The following ATP1A2 variants were observed in gnomAD, a reference collection of about 807,000 sequenced individuals.
ATP1A2 encodes ATPase Na+/K+ transporting subunit alpha 2.
A neutral mutation model predicts 113.1 loss-of-function variants in ATP1A2; 56 were observed. The observed-to-expected ratio is 0.49, with a 90% CI of 0.40 to 0.62. ATP1A2 has a LOEUF of 0.62. ATP1A2 is among the 20% of genes least tolerant of loss of function. The pLI is 0.00. For synonymous variants in ATP1A2, 490 were observed against 526.8 expected (o/e 0.93, Z 0.96); for missense variants, 712 against 1,357.8 (o/e 0.52, Z 7.47).
In ATP1A2 at chr1:160,121,304, G is replaced by A. The variant is rs1570983390; in HGVS notation, c.177+53G>A. On this transcript the variant is annotated intron_variant, in intron 3 of 22. Coordinates refer to ENST00000361216, the MANE Select transcript of ATP1A2 (RefSeq NM_000702.4). ...ACAAAAGAGGCAAGAAAACCATGCA[G>A]CATCAAGGTGGCAGGAGCCTTAAAA... 4 of 1,593,758 alleles carry A rather than the reference G, an allele frequency of 2.5e-6. No homozygotes were observed. The South Asian group carries it at 3.3e-5, about 13-fold the overall frequency.
At position 160,142,466 on chromosome 1, in the gene ATP1A2, G is replaced by C. The variant is rs1270507133; in HGVS notation, c.*1144G>C. On this transcript the variant is annotated 3_prime_UTR_variant, in exon 23 of 23. Transcript: ENST00000361216. ...ATGTATGCTTCCAGGGACAAGCTTA[G>C]GTCATGAACATGGTCAGAACCTTTG... The C allele has an allele frequency of 1.3e-5, 2 of 152,250 alleles. No individual in the cohort carries two copies. The highest frequency in any genetic ancestry group is 2.9e-5 in the Non-Finnish European group (2 of 68,076). The allele number at this position is 152,250 out of a possible 1,614,324, so 9.4% of individuals were successfully genotyped here. A position where few individuals can be genotyped will look rare whatever the true frequency, so the allele number is the denominator to read the frequency against.
intron 1 of ATP1A2, among the ~76,000 whole-genome samples, chr1:160,116,831 G>A (rs769175075): frequency 6.6e-6 from 1 of 152,144 alleles, no homozygotes; most frequent in Non-Finnish European, 1.5e-5. Context: ...GAGGAGTCAG[G>A]CAAGGACATG....
At chr1:160,140,896 C>G (rs915647566) in intron 22 of ATP1A2, 1 of 128,288 alleles carries the variant, frequency 7.8e-6, no homozygotes, top group Non-Finnish European at 1.5e-5. Context: ...CTCGCTCTGT[C>G]GCCCAACCAG....
Position 160,141,468 on chromosome 1 carries a change from G to A in ATP1A2, c.*146G>A. ...ATGAGGCAACTCAGCAGGCTAAGTTGCGGGGTATATAAATTGGGGTGATGA... is the reference window on the plus strand; with the variant it reads ...ATGAGGCAACTCAGCAGGCTAAGTTACGGGGTATATAAATTGGGGTGATGA... On this transcript the variant is annotated 3_prime_UTR_variant, in exon 23 of 23. Transcript: ENST00000361216. 1 of 1,028,748 alleles carries A rather than the reference G, an allele frequency of 9.7e-7. No individual in the cohort carries two copies. The highest frequency in any genetic ancestry group is 1.5e-6 in the Non-Finnish European group (1 of 666,584). The allele number at this position is 1,028,748 out of a possible 1,614,324, so 63.7% of individuals were successfully genotyped here. A position where few individuals can be genotyped will look rare whatever the true frequency, so the allele number is the denominator to read the frequency against.
At chr1:160,127,905 TC>T in intron 8 of ATP1A2, 85 bp downstream of exon 8, 1 of 1,503,082 alleles carries the variant, frequency 6.7e-7, no homozygotes, top group Non-Finnish European at 8.9e-7. Context: ...GCTTGTAGCT[TC>T]TCACTACTTT....
At position 160,125,179 on chromosome 1, in the gene ATP1A2, G is replaced by A. The variant is rs778741638; in HGVS notation, c.674G>A (p.Arg225His). 1 of 1,614,062 alleles carries A rather than the reference G, an allele frequency of 6.2e-7. No homozygotes were observed. The highest frequency in any genetic ancestry group is 1.3e-5 in the African/African-American group (1 of 74,992). The part of the protein sequence containing the change: ...SLTGESEPQT[R>H]SPEFTHENPL... ...ACAGGAGAGTCGGAGCCCCAGACCC[G>A]CTCCCCCGAGTTCACCCATGAGAAC... is the stretch of plus-strand genomic sequence containing the variant. Residue 225 changes from arginine to histidine, a missense_variant, in exon 7 of 23, where the codon CGC (arginine) becomes CAC (histidine). Arg to His is a conservative substitution (Grantham distance 29). Coordinates refer to ENST00000361216, the MANE Select transcript of ATP1A2 (RefSeq NM_000702.4).
chr1:160,131,654 C>T (rs1313932661), intron 13 of ATP1A2, among the ~76,000 whole-genome samples: 1 of 151,716 alleles, frequency 6.6e-6, no homozygotes, highest in Non-Finnish European at 1.5e-5. Flanking sequence ...GGTGAAACCC[C>T]GTCTCTACTG....
intron 20 of ATP1A2, among the ~76,000 whole-genome samples, chr1:160,138,450 A>C (rs1652024872): frequency 6.6e-6 from 1 of 152,240 alleles, no homozygotes; most frequent in South Asian, 2.1e-4. Context: ...CAAACAATTA[A>C]ATGTGGCCTT....
At chr1:160,127,916 T>C (rs1651633811) in intron 8 of ATP1A2, 96 bp downstream of exon 8, 3 of 1,485,220 alleles carry the variant, frequency 2.0e-6, no homozygotes, top group Middle Eastern at 1.9e-4. Context: ...CTCACTACTT[T>C]TTCCCCCTAG....
At chr1:160,122,024 C>T (rs900672047) in intron 3 of ATP1A2, among the ~76,000 whole-genome samples, 5 of 152,054 alleles carry the variant, frequency 3.3e-5, no homozygotes, top group African/African-American at 1.2e-4. Flanking sequence ...CCCACCTACT[C>T]GAGAGGCTGA....
chr1:160,129,039 T>C lies in ATP1A2; in HGVS notation c.1276T>C (p.Cys426Arg). Residue 426 changes from cysteine (C) to arginine (R), a missense_variant, in exon 10 of 23, where the codon TGC becomes CGC. Cys to Arg is a radical substitution (Grantham distance 180). Around this residue, in one of 6 missense-constraint regions of ATP1A2, gnomAD observed 263 missense variants for 380.6 expected, o/e 0.69. Transcript: ENST00000361216. ...WTALSRIAGLCNRAVFKAGQE... is the reference protein window; with the variant it reads ...WTALSRIAGLRNRAVFKAGQE... Reference sequence around the variant, plus strand: ...GGCCCTGTCTCGAATTGCTGGTCTCTGCAACCGCGCCGTCTTCAAGGCAGG... The same window carrying C: ...GGCCCTGTCTCGAATTGCTGGTCTCCGCAACCGCGCCGTCTTCAAGGCAGG... 6.2e-7 allele frequency: 1 copy of C among 1,612,366 alleles called. No homozygotes were observed. The highest frequency in any genetic ancestry group is 8.5e-7 in the Non-Finnish European group (1 of 1,179,092).
chr1:160,136,299 G>A lies in ATP1A2; in HGVS notation c.2492G>A (p.Arg831Gln). 3 of 1,614,172 alleles carry A rather than the reference G, an allele frequency of 1.9e-6. No homozygotes were observed. Among genetic ancestry groups the A allele is most frequent in the Non-Finnish European group, 2.5e-6 (3 of 1,180,032 alleles). Residue 831 changes from arginine (R) to glutamine (Q), a missense_variant, in exon 18 of 23, where the codon CGG becomes CAG. By Grantham distance (43) the Arg-to-Gln change is conservative. This residue lies in a region of ATP1A2 where 188 missense variants were observed against 438.9 expected (regional missense o/e 0.43). Coordinates refer to ENST00000361216, the MANE Select transcript of ATP1A2 (RefSeq NM_000702.4). ...YEAAESDIMK[R>Q]QPRNSQTDKL... ...GCAGCTGAGAGTGATATCATGAAGC[G>A]GCAGCCACGAAACTCCCAGACGGAC...
At position 160,143,390 on chromosome 1, in the gene ATP1A2, T is replaced by C. The variant is rs1558011935; in HGVS notation, c.*2068T>C. 1 of 152,642 alleles carries C rather than the reference T, an allele frequency of 6.6e-6. No homozygotes were observed. Among genetic ancestry groups the C allele is most frequent in the Non-Finnish European group, 1.5e-5 (1 of 68,036 alleles). 9.5% of individuals were successfully genotyped at this position (152,642 alleles called of 1,614,324 possible). On this transcript the variant is annotated 3_prime_UTR_variant, in exon 23 of 23. Coordinates refer to ENST00000361216, the MANE Select transcript of ATP1A2 (RefSeq NM_000702.4). ...ATTGCTAGAGGTGGCATGTTTAGTC[T>C]ACCAAAAACAATACTTTTCAGGCAC...
At chr1:160,123,528 A>T (rs1184283467) in intron 4 of ATP1A2, 112 bp downstream of exon 4, 2 of 1,345,180 alleles carry the variant, frequency 1.5e-6, no homozygotes, top group Non-Finnish European at 2.1e-6. Context: ...AGTCCTACAG[A>T]TGCCCCTGCA....
intron 8 of ATP1A2, 141 bp from the exon 9 acceptor site, chr1:160,128,511 C>G: frequency 6.5e-7 from 1 of 1,544,552 alleles, no homozygotes; most frequent in Non-Finnish European, 8.7e-7. Context: ...ATTGAACATT[C>G]ATTATTTACA....
chr1:160,131,382 G>A (rs550885240), intron 13 of ATP1A2, among the ~76,000 whole-genome samples: 3 of 152,324 alleles, frequency 2.0e-5, no homozygotes, highest in Non-Finnish European at 4.4e-5. Context: ...AGGCCACACA[G>A]CTAGTGTAAG....
Position 160,140,673 on chromosome 1 carries a change from C to T in ATP1A2, c.3035-621C>T, listed in dbSNP as rs1397756869. ...AAGAATGGACAGCTGCTCCCTTAGA[C>T]TCTCGTTCGTCACCTGAAGAGGCCC... On this transcript the variant is annotated intron_variant, in intron 22 of 22. Coordinates refer to ENST00000361216, the MANE Select transcript of ATP1A2 (RefSeq NM_000702.4). 4.8e-5 allele frequency: 8 copies of T among 166,580 alleles called. No homozygotes were observed. The South Asian group carries it at 1.1e-3, about 22-fold the overall frequency. The allele number at this position is 166,580 out of a possible 1,614,324, so 10.3% of individuals were successfully genotyped here.
Position 160,134,639 on chromosome 1 carries a change from G to A in ATP1A2, c.1964+19G>A. On this transcript the variant is annotated intron_variant, in intron 14 of 22. Transcript: ENST00000361216. ...ACCCCAGGTGAGGCCTCTGCAGGAA[G>A]CCCCTGTGCCCTAATCAACACGTCC... 4 of 1,614,182 alleles carry A rather than the reference G, an allele frequency of 2.5e-6. No individual in the cohort carries two copies. The highest frequency in any genetic ancestry group is 1.1e-5 in the South Asian group (1 of 91,082).
Position 160,141,544 on chromosome 1 carries a change from C to A in ATP1A2, c.*222C>A. 1 of 614,870 alleles carries A rather than the reference C, an allele frequency of 1.6e-6. No homozygotes were observed. The highest frequency in any genetic ancestry group is 2.8e-5 in the East Asian group (1 of 35,144). 38.1% of individuals were successfully genotyped at this position (614,870 alleles called of 1,614,324 possible). A position where few individuals can be genotyped will look rare whatever the true frequency, so the allele number is the denominator to read the frequency against. On this transcript the variant is annotated 3_prime_UTR_variant, in exon 23 of 23. Transcript: ENST00000361216. ...CAGATTAGACACTATGTGTTAGAGT[C>A]CCCCCGACCAGATCCTTTTCCATCC... is the stretch of plus-strand genomic sequence containing the variant.
Sources: allele counts gnomAD v4.1 joint callset (sites outside exome capture counted in the v4.1 genomes callset), GRCh38; gene constraint gnomAD v4.1.1; regional missense constraint gnomAD v4.1.1; transcripts MANE v1.5; gene names NCBI Gene and HGNC (gene_info 2026-07-23, HGNC 2026-07-21).